Variants in SAMMSON observed in about 807,000 individuals in gnomAD.
SAMMSON encodes survival associated mitochondrial melanoma specific oncogenic non-coding RNA.
At chr3:70,420,309 C>T (rs971090744) in intron 2 of SAMMSON, among the ~76,000 whole-genome samples, 5 of 152,078 alleles carry the variant, frequency 3.3e-5, no homozygotes, top group African/African-American at 9.7e-5. Context: ...CCAAACTCAC[C>T]ACAAAGTCAA....
chr3:70,125,349 C>T (rs2067452440), intron 4 of SAMMSON: 1 of 1,456,646 alleles, frequency 6.9e-7, no homozygotes, highest in Non-Finnish European at 9.4e-7. Flanking sequence ...AAATTCTTTA[C>T]ATAAATTCTA....
chr3:70,239,044 C>T (rs532047921), intron 4 of SAMMSON, among the ~76,000 whole-genome samples: 1 of 152,076 alleles, frequency 6.6e-6, no homozygotes, highest in East Asian at 1.9e-4. Context: ...ACAAAAATGG[C>T]TTAAAATTGG....
chr3:70,007,787 A>G (rs2066934593), intron 1 of SAMMSON, among the ~76,000 whole-genome samples: 1 of 152,122 alleles, frequency 6.6e-6, no homozygotes, highest in Non-Finnish European at 1.5e-5. Context: ...TAGGTCTAAC[A>G]TGTAAGTCTT....
rs914480723 is a variant in SAMMSON, at chr3:70,211,084, C to T, written n.508-38023C>T. Among the ~76,000 whole-genome samples the T allele has an allele frequency of 2.6e-5, 4 of 152,074 alleles. 1 individual carries two copies. The South Asian group carries it at 8.3e-4, about 31-fold the overall frequency. On this transcript the variant is annotated intron_variant and non_coding_transcript_variant, in intron 4 of 9. Transcript: ENST00000642114. ...TGCATCCATGTTTTCTCTCATTTGA[C>T]TCTTCATAGATAAAAGCATTCAAAT...
At chr3:70,030,451 T>C (rs554560798) in intron 3 of SAMMSON, 7 of 152,330 alleles carry the variant, frequency 4.6e-5, no homozygotes, top group Non-Finnish European at 8.8e-5. Flanking sequence ...AAATAGCTAA[T>C]ATTTTCAAAA....
chr3:70,400,097 C>T lies in SAMMSON; in HGVS notation n.233+41773C>T, dbSNP rs539382778. 3.0e-3 allele frequency among the ~76,000 whole-genome samples: 463 copies of T among 152,058 alleles called. 3 individuals carry two copies. The highest frequency in any genetic ancestry group is 0.01 in the African/African-American group (421 of 41,482). On this transcript the variant is annotated intron_variant and non_coding_transcript_variant, in intron 2 of 3. Transcript: ENST00000641053. ...ATATATATTCAACATATAATTGGAA[C>T]ATGAAACTCTGGATTTTGTGATGAT... is the stretch of plus-strand genomic sequence containing the variant.
intron 3 of SAMMSON, chr3:70,068,651 G>A (rs530980397): frequency 3.9e-5 from 6 of 152,112 alleles, no homozygotes; most frequent in Non-Finnish European, 8.8e-5. Context: ...TTTAAAGAGA[G>A]AGCGAGGGAT....
chr3:70,252,576 A>T, intron 6 of SAMMSON, among the ~76,000 whole-genome samples: 1 of 152,246 alleles, frequency 6.6e-6, no homozygotes, highest in Non-Finnish European at 1.5e-5. Flanking sequence ...AAAGTGGGCC[A>T]GATAACAGGA....
chr3:70,274,013 T>C (rs973768395), intron 6 of SAMMSON, among the ~76,000 whole-genome samples: 2 of 151,636 alleles, frequency 1.3e-5, no homozygotes, highest in South Asian at 4.2e-4. Context: ...AAAACTAAGA[T>C]GCCATTATTA....
chr3:70,132,681 C>T (rs1431514624), intron 4 of SAMMSON, among the ~76,000 whole-genome samples: 1 of 151,398 alleles, frequency 6.6e-6, no homozygotes, highest in African/African-American at 2.4e-5. Context: ...GTGGCTCATG[C>T]CTATAATCCC....
chr3:70,002,193 AC>A (rs2066908626), intron 1 of SAMMSON, among the ~76,000 whole-genome samples: 3 of 152,296 alleles, frequency 2.0e-5, no homozygotes, highest in Non-Finnish European at 2.9e-5. Flanking sequence ...TTGCATATCC[AC>A]CTTTGGACAG....
chr3:70,357,971 G>A (rs1288102278), intron 8 of SAMMSON, among the ~76,000 whole-genome samples: 1 of 152,006 alleles, frequency 6.6e-6, no homozygotes, highest in East Asian at 1.9e-4. Flanking sequence ...GTGTTTTGTT[G>A]TACTACTTCT....
At chr3:70,420,490 A>G (rs771994726) in intron 2 of SAMMSON, among the ~76,000 whole-genome samples, 2 of 152,262 alleles carry the variant, frequency 1.3e-5, no homozygotes, top group Non-Finnish European at 2.9e-5. Flanking sequence ...AAATACCATT[A>G]ATAGTAAATA....
intron 9 of SAMMSON, among the ~76,000 whole-genome samples, chr3:70,365,915 C>T (rs542456824): frequency 2.7e-5 from 4 of 149,484 alleles, no homozygotes; most frequent in African/African-American, 9.8e-5. Context: ...TTGATTATTA[C>T]AGTATCATAC....
chr3:70,013,149 GTGATGA>G (rs370433914), intron 2 of SAMMSON, among the ~76,000 whole-genome samples: 1 of 151,884 alleles, frequency 6.6e-6, no homozygotes, highest in Non-Finnish European at 1.5e-5. Flanking sequence ...TATAGTAAAT[GTGATGA>G]TGATGATGAT....
intron 4 of SAMMSON, among the ~76,000 whole-genome samples, chr3:70,154,794 T>C (rs1287651873): frequency 1.3e-5 from 2 of 152,066 alleles, no homozygotes; most frequent in East Asian, 3.9e-4. Flanking sequence ...GGTGGAATCT[T>C]ATGGTAGGCC....
At chr3:70,186,115 C>T (rs1701089412) in intron 4 of SAMMSON, among the ~76,000 whole-genome samples, 1 of 152,174 alleles carries the variant, frequency 6.6e-6, no homozygotes, top group Non-Finnish European at 1.5e-5. Flanking sequence ...GAGATCCTTT[C>T]CTCATCACAA....
At chr3:70,356,094 C>G (rs1173479741) in intron 8 of SAMMSON, among the ~76,000 whole-genome samples, 1 of 152,140 alleles carries the variant, frequency 6.6e-6, no homozygotes, top group Non-Finnish European at 1.5e-5. Flanking sequence ...CACTTGATTA[C>G]TGATCTAACG....
intron 4 of SAMMSON, among the ~76,000 whole-genome samples, chr3:70,207,066 A>T (rs1701298564): frequency 6.6e-6 from 1 of 150,448 alleles, no homozygotes; most frequent in Non-Finnish European, 1.5e-5. Flanking sequence ...AAGTAGGGAG[A>T]ATCAAGCAAT....
Sources: gnomAD v4.1 joint callset for allele counts (sites outside exome capture counted in the v4.1 genomes callset) on GRCh38, gnomAD v4.1.1 for gene constraint, MANE v1.5 for transcripts, NCBI Gene and HGNC (gene_info 2026-07-23, HGNC 2026-07-21) for gene names.